BCAS3: variants seen among roughly 807,000 people sequenced by gnomAD.
BCAS3 encodes the protein BCAS4/BCAS3 fusion.
In BCAS3, 53 loss-of-function variants were observed where a neutral mutation model predicts 116.1. The ratio of observed to expected loss-of-function variants is 0.46; its 90% CI spans 0.37 to 0.57. The LOEUF is 0.57. Ranked by LOEUF, BCAS3 falls within the 20% of genes least tolerant of loss-of-function variation. BCAS3 has a pLI of 0.00. For missense variants in BCAS3, 917 were observed against 1,165.4 expected, an observed-to-expected ratio of 0.79 and a Z score of 3.10; for synonymous variants, 391 against 408.2, an observed-to-expected ratio of 0.96 and a Z score of 0.51.
At chr17:61,232,029 A>AC (rs1602060403) in intron 22 of BCAS3, among the ~76,000 whole-genome samples, 1 of 151,084 alleles carries the variant, frequency 6.6e-6, no homozygotes, top group Non-Finnish European at 1.5e-5. Context: ...ATACGGTGAA[A>AC]CCCCGTCTGT....
rs1316605171 is a variant in BCAS3, at chr17:61,021,559, T to C, written c.1637+5658T>C. Among the ~76,000 whole-genome samples, 1 of 152,192 alleles carries C rather than the reference T, an allele frequency of 6.6e-6. No individual in the cohort carries two copies. Among genetic ancestry groups the C allele is most frequent in the East Asian group, 1.9e-4 (1 of 5,192 alleles). On this transcript the variant is annotated intron_variant, in intron 16 of 23. Transcript: ENST00000407086. This position sits in a 1 kb window ranked among gnomAD's most constrained non-coding sequence, Gnocchi z 4.6. ...TTCACCTGAAAAAAAAAAGTTTATA[T>C]ATATGGATTATAATCTTTTAATCCT...
Position 61,128,306 on chromosome 17 carries a change from G to A in BCAS3, c.2425+43742G>A. ...ATTTCATCTACGGCTGAGATGCAGA[G>A]GAGAGACTTAGTGAAATATGCAGAG... On this transcript the variant is annotated intron_variant, in intron 22 of 23. Coordinates refer to ENST00000407086, the MANE Select transcript of BCAS3 (RefSeq NM_017679.5). The surrounding 1 kb of genome is among the most constrained non-coding windows in gnomAD (Gnocchi z 4.1). 1 of 985,394 alleles carries A rather than the reference G, an allele frequency of 1.0e-6. No individual in the cohort carries two copies. Among genetic ancestry groups the A allele is most frequent in the Non-Finnish European group, 1.2e-6 (1 of 829,928 alleles). 61.0% of individuals were successfully genotyped at this position (985,394 alleles called of 1,614,324 possible). A position where few individuals can be genotyped will look rare whatever the true frequency, so the allele number is the denominator to read the frequency against.
At chr17:60,958,951 C>T (rs923467552) in intron 14 of BCAS3, among the ~76,000 whole-genome samples, 3 of 152,146 alleles carry the variant, frequency 2.0e-5, no homozygotes, top group Non-Finnish European at 4.4e-5. Flanking sequence ...AAATGTAGAA[C>T]CTACAACTAT....
intron 22 of BCAS3, among the ~76,000 whole-genome samples, chr17:61,138,688 AAG>A (rs1469926479): frequency 6.6e-6 from 1 of 152,236 alleles, no homozygotes; most frequent in Non-Finnish European, 1.5e-5. Flanking sequence ...TTATTGGAAT[AAG>A]AGACTTACTT....
At chr17:61,045,345 C>T (rs1423058513) in intron 19 of BCAS3, among the ~76,000 whole-genome samples, 3 of 151,394 alleles carry the variant, frequency 2.0e-5, no homozygotes, top group African/African-American at 7.3e-5. Flanking sequence ...CCTGTCTCTA[C>T]AAAAACATTA....
intron 6 of BCAS3, among the ~76,000 whole-genome samples, chr17:60,784,297 ATTTTTTTTTTTT>A (rs777660468): frequency 3.5e-5 from 4 of 114,840 alleles, no homozygotes; most frequent in African/African-American, 7.2e-5. Context: ...AATGAAACAA[ATTTTTTTTTTTT>A]TTTTTTTTTT....
At chr17:60,818,280 C>T (rs908281945) in intron 7 of BCAS3, among the ~76,000 whole-genome samples, 1 of 152,110 alleles carries the variant, frequency 6.6e-6, no homozygotes, top group Non-Finnish European at 1.5e-5. Context: ...TACAAACTGG[C>T]AAAAGCATCA....
chr17:61,046,056 AT>A (rs1206730487), intron 19 of BCAS3, among the ~76,000 whole-genome samples: 1 of 19,008 alleles, frequency 5.3e-5, no homozygotes, highest in Non-Finnish European at 7.1e-5. Flanking sequence ...TAATATATAT[AT>A]TATATATATA....
chr17:60,894,852 G>A (rs1367691842), intron 10 of BCAS3, among the ~76,000 whole-genome samples: 1 of 151,976 alleles, frequency 6.6e-6, no homozygotes, highest in African/African-American at 2.4e-5. Context: ...TCATTCTGTT[G>A]ATGTGATTAT....
At position 61,180,705 on chromosome 17, in the gene BCAS3, C is replaced by T. The variant is rs1327504334; in HGVS notation, c.2425+96141C>T. ...CGTGTCTGCACAGTGGAACATAAAG[C>T]AGCAGCTTAGATGGCATATGGCACT... On this transcript the variant is annotated intron_variant, in intron 22 of 23. Transcript: ENST00000407086. This position sits in a 1 kb window ranked among gnomAD's most constrained non-coding sequence, Gnocchi z 6.0. Among the ~76,000 whole-genome samples the T allele has an allele frequency of 6.6e-6, 1 of 152,198 alleles. No individual in the cohort carries two copies. The highest frequency in any genetic ancestry group is 1.5e-5 in the Non-Finnish European group (1 of 68,044).
chr17:60,748,152 T>A (rs2042161981), intron 6 of BCAS3, among the ~76,000 whole-genome samples: 1 of 152,208 alleles, frequency 6.6e-6, no homozygotes, highest in African/African-American at 2.4e-5. Context: ...AAAAATCTTA[T>A]AAGACTTCTT....
chr17:61,149,660 T>C (rs996266154), intron 22 of BCAS3, among the ~76,000 whole-genome samples: 1 of 152,190 alleles, frequency 6.6e-6, no homozygotes, highest in Non-Finnish European at 1.5e-5. Context: ...GTGGAAGAGC[T>C]GAGAAGCACA....
rs529781083 is a variant in BCAS3 at position 60,937,390 on chromosome 17, A to G, written c.1088-9829A>G. On this transcript the variant is annotated intron_variant, in intron 13 of 23. Transcript: ENST00000407086. ...TTCCCTTTCTCCATTCACTCCATAT[A>G]AAGCCAACAAGTTTATCTTGTCCTC... Among the ~76,000 whole-genome samples the G allele has an allele frequency of 3.3e-5, 5 of 152,120 alleles. No homozygotes were observed. The South Asian group carries it at 8.3e-4, about 25-fold the overall frequency.
intron 4 of BCAS3, among the ~76,000 whole-genome samples, chr17:60,708,395 G>C (rs1453671801): frequency 4.0e-5 from 6 of 148,798 alleles, no homozygotes; most frequent in African/African-American, 1.5e-4. Flanking sequence ...GCCTTACTCT[G>C]TCACCCAAGC....
rs941758704 is a variant in BCAS3 at position 61,381,356 on chromosome 17, C to T, written c.2594-10621C>T. 6.6e-6 allele frequency among the ~76,000 whole-genome samples: 1 copy of T among 152,178 alleles called. No individual in the cohort carries two copies. The highest frequency in any genetic ancestry group is 1.5e-5 in the Non-Finnish European group (1 of 68,036). ...CTGTGAGCACCGCACAAAGGCAGAC[C>T]GGCATCAGCCAGGCCGTTTCCATCT... On this transcript the variant is annotated intron_variant, in intron 23 of 23. Coordinates refer to ENST00000407086, the MANE Select transcript of BCAS3 (RefSeq NM_017679.5). This position sits in a 1 kb window ranked among gnomAD's most constrained non-coding sequence, Gnocchi z 6.0.
At chr17:60,882,750 G>T (rs2056292055) in intron 9 of BCAS3, among the ~76,000 whole-genome samples, 1 of 147,950 alleles carries the variant, frequency 6.8e-6, no homozygotes, top group Non-Finnish European at 1.5e-5. Flanking sequence ...TCAGATAGTT[G>T]TAGGTATGTG....
chr17:61,223,400 C>G (rs2082220203), intron 22 of BCAS3, among the ~76,000 whole-genome samples: 1 of 152,166 alleles, frequency 6.6e-6, no homozygotes, highest in South Asian at 2.1e-4. Flanking sequence ...CTCAGGTGAT[C>G]TGCCTGCCTT....
chr17:61,116,976 T>C (rs1447303432), intron 22 of BCAS3, among the ~76,000 whole-genome samples: 1 of 152,218 alleles, frequency 6.6e-6, no homozygotes, highest in Non-Finnish European at 1.5e-5. Flanking sequence ...TGGGCTTCTT[T>C]GGAAGTTTCC....
intron 22 of BCAS3, among the ~76,000 whole-genome samples, chr17:61,206,840 G>A (rs1601905727): frequency 1.3e-5 from 2 of 148,390 alleles, no homozygotes; most frequent in East Asian, 3.9e-4. Context: ...TTGTGAAGGG[G>A]GAATCCCCTA....
Sources: allele counts gnomAD v4.1 joint callset (sites outside exome capture counted in the v4.1 genomes callset), GRCh38; gene constraint gnomAD v4.1.1; non-coding constraint Gnocchi (gnomAD v3.1); transcripts MANE v1.5; gene names NCBI Gene and HGNC (gene_info 2026-07-23, HGNC 2026-07-21).